Variants in IL1RAP observed in about 807,000 individuals in gnomAD.
IL1RAP encodes the protein interleukin-1 receptor accessory protein.
In IL1RAP, 35 loss-of-function variants were observed where a neutral mutation model predicts 60.7. The observed-to-expected ratio is 0.58, with a 90% confidence interval of 0.44 to 0.76. The LOEUF is 0.76. IL1RAP is among the 30% of genes least tolerant of loss of function. The pLI, the probability that IL1RAP is intolerant of heterozygous loss-of-function variation, is 0.00. For missense variants in IL1RAP, 572 were observed against 693.9 expected, an observed-to-expected ratio of 0.82 and a Z score of 1.97; for synonymous variants, 268 against 250.9, an observed-to-expected ratio of 1.07 and a Z score of -0.64.
intron 1 of IL1RAP, among the ~76,000 whole-genome samples, chr3:190,530,555 T>A (rs1353995047): frequency 6.6e-6 from 1 of 152,222 alleles, no homozygotes; most frequent in Non-Finnish European, 1.5e-5. Context: ...GCTGCTATTG[T>A]CAACTCCGAT....
At chr3:190,621,274 T>C (rs1422811865) in intron 6 of IL1RAP, among the ~76,000 whole-genome samples, 1 of 152,202 alleles carries the variant, frequency 6.6e-6, no homozygotes, top group African/African-American at 2.4e-5. Flanking sequence ...AGGTCTCTGC[T>C]CAGGGCTTTT....
chr3:190,636,093 T>C (rs1230537096), intron 9 of IL1RAP, among the ~76,000 whole-genome samples: 2 of 152,208 alleles, frequency 1.3e-5, no homozygotes, highest in Non-Finnish European at 2.9e-5. Flanking sequence ...TTTTATTCTT[T>C]TTAAGCTTAT....
intron 3 of IL1RAP, among the ~76,000 whole-genome samples, chr3:190,567,959 C>T (rs751765552): frequency 6.6e-6 from 1 of 152,168 alleles, no homozygotes; most frequent in South Asian, 2.1e-4. Context: ...GGAAGCTGAA[C>T]TGTTAAAAGC....
intron 3 of IL1RAP, among the ~76,000 whole-genome samples, chr3:190,573,266 G>C (rs1727155018): frequency 6.6e-6 from 1 of 152,196 alleles, no homozygotes; most frequent in Non-Finnish European, 1.5e-5. Flanking sequence ...GCGGGCAAAA[G>C]TGTAAGACTC....
chr3:190,630,237 C>A, intron 9 of IL1RAP: 4 of 844,422 alleles, frequency 4.7e-6, no homozygotes, highest in African/African-American at 1.8e-5. Flanking sequence ...TATTATTCTA[C>A]AATAAATGGA....
chr3:190,517,312 T>A (rs558454977), intron 1 of IL1RAP, among the ~76,000 whole-genome samples: 1 of 152,358 alleles, frequency 6.6e-6, no homozygotes, highest in African/African-American at 2.4e-5. Context: ...CCCTCTGCCA[T>A]CCTCATGCTA....
intron 3 of IL1RAP, among the ~76,000 whole-genome samples, chr3:190,573,286 T>C (rs920464575): frequency 2.0e-5 from 3 of 152,052 alleles, no homozygotes; most frequent in African/African-American, 7.3e-5. Context: ...CTGGACCCCC[T>C]TTTGCAAGTT....
chr3:190,618,119 G>A (rs1731439507), intron 5 of IL1RAP, among the ~76,000 whole-genome samples: 1 of 152,146 alleles, frequency 6.6e-6, no homozygotes, highest in South Asian at 2.1e-4. Flanking sequence ...TCCAGGGATG[G>A]CACAGGTTCA....
intron 2 of IL1RAP, among the ~76,000 whole-genome samples, chr3:190,563,752 T>G (rs1726113213): frequency 6.6e-6 from 1 of 152,188 alleles, no homozygotes; most frequent in Non-Finnish European, 1.5e-5. Context: ...ACTTTCTATG[T>G]GTCTATGTGT....
chr3:190,526,685 A>T (rs1476295589), intron 1 of IL1RAP, among the ~76,000 whole-genome samples: 1 of 152,224 alleles, frequency 6.6e-6, no homozygotes, highest in Non-Finnish European at 1.5e-5. Flanking sequence ...AGCACTTAGC[A>T]CAGTTCCTGG....
chr3:190,636,924 G>A (rs1733270399), intron 9 of IL1RAP, among the ~76,000 whole-genome samples: 1 of 151,574 alleles, frequency 6.6e-6, no homozygotes, highest in Non-Finnish European at 1.5e-5. Context: ...ACTTTTTTGA[G>A]CTTTTGGCTC....
intron 1 of IL1RAP, among the ~76,000 whole-genome samples, chr3:190,554,047 C>G (rs372687744): frequency 9.4e-6 from 1 of 106,784 alleles, no homozygotes; most frequent in African/African-American, 3.7e-5. Flanking sequence ...GGCGACAGAG[C>G]GAGACTCCGT....
chr3:190,622,855 C>A (rs1396184696), intron 6 of IL1RAP, among the ~76,000 whole-genome samples: 2 of 152,152 alleles, frequency 1.3e-5, no homozygotes. Context: ...CAGCCACACT[C>A]CCAAACTTCC....
rs1734323650 is a variant in IL1RAP at position 190,650,396 on chromosome 3, A to G, written c.*1691A>G. Reference sequence around the variant, plus strand: ...ATCGGGCATTAATTGATTTCCTACTATATTCCCAGCAGACACATTTAGAAA... The same window carrying G: ...ATCGGGCATTAATTGATTTCCTACTGTATTCCCAGCAGACACATTTAGAAA... On this transcript the variant is annotated 3_prime_UTR_variant, in exon 12 of 12. Coordinates refer to ENST00000447382, the MANE Select transcript of IL1RAP (RefSeq NM_002182.4). The G allele has an allele frequency of 5.1e-6, 5 of 985,392 alleles. No individual in the cohort carries two copies. Among genetic ancestry groups the G allele is most frequent in the Non-Finnish European group, 4.8e-6 (4 of 829,920 alleles). The allele number at this position is 985,392 out of a possible 1,614,324, so 61.0% of individuals were successfully genotyped here.
intron 1 of IL1RAP, among the ~76,000 whole-genome samples, chr3:190,543,286 G>A (rs1206315695): frequency 6.6e-6 from 1 of 152,082 alleles, no homozygotes; most frequent in Non-Finnish European, 1.5e-5. Context: ...AGGAATTATA[G>A]TATTTTCCTG....
At chr3:190,655,044 G>T (rs546496362), downstream of IL1RAP, among the ~76,000 whole-genome samples, 1 of 151,590 alleles carries the variant, frequency 6.6e-6, no homozygotes, top group Non-Finnish European at 1.5e-5. Flanking sequence ...ACACACACAC[G>T]CACCACACAC....
At chr3:190,565,962 C>T (rs12630452) in intron 3 of IL1RAP, among the ~76,000 whole-genome samples, 18,529 of 151,750 alleles carry the variant, frequency 0.12, 1,208 homozygotes, top group South Asian at 0.2. Flanking sequence ...TTTCTCTTCT[C>T]TCCTCCTCCT....
chr3:190,582,220 TC>T (rs1728056007), intron 3 of IL1RAP, among the ~76,000 whole-genome samples: 1 of 152,186 alleles, frequency 6.6e-6, no homozygotes, highest in Non-Finnish European at 1.5e-5. Flanking sequence ...GATCAATCCA[TC>T]TTTGCTCATT....
chr3:190,640,077 A>AT (rs1262039668), intron 9 of IL1RAP, among the ~76,000 whole-genome samples: 1 of 152,220 alleles, frequency 6.6e-6, no homozygotes, highest in Non-Finnish European at 1.5e-5. Context: ...CTAGAGTTCC[A>AT]TCTCTAAATA....
Sources: gnomAD v4.1 joint callset for allele counts (sites outside exome capture counted in the v4.1 genomes callset) on GRCh38, gnomAD v4.1.1 for gene constraint, MANE v1.5 for transcripts, NCBI Gene and HGNC (gene_info 2026-07-23, HGNC 2026-07-21) for gene names.